ABCC12: variants seen among roughly 807,000 people sequenced by gnomAD.
ABCC12 encodes ATP-binding cassette sub-family C member 12.
In ABCC12, 142 loss-of-function variants were observed where a neutral mutation model predicts 151.1. The observed-to-expected ratio is 0.94, with a 90% CI of 0.82 to 1.08. ABCC12 has a LOEUF of 1.08. Among genes scored for constraint, ABCC12 ranks in the 50% least tolerant of loss-of-function variants. The pLI, the probability that ABCC12 is intolerant of heterozygous loss-of-function variation, is 0.00. For missense variants in ABCC12, 1,638 were observed against 1,691.1 expected, an observed-to-expected ratio of 0.97 and a Z score of 0.55; for synonymous variants, 645 against 646.4, an observed-to-expected ratio of 1.00 and a Z score of 0.03.
At chr16:48,129,684 G>A (rs906319362) in intron 10 of ABCC12, among the ~76,000 whole-genome samples, 3 of 152,152 alleles carry the variant, frequency 2.0e-5, no homozygotes, top group Admixed American at 6.5e-5. Context: ...ATACGGACTT[G>A]AGAAGAATGT....
chr16:48,096,861 A>G lies in ABCC12; in HGVS notation c.3080T>C (p.Leu1027Pro). 6.2e-7 allele frequency: 1 copy of G among 1,613,112 alleles called. No individual in the cohort carries two copies. The highest frequency in any genetic ancestry group is 8.5e-7 in the Non-Finnish European group (1 of 1,179,930). Residue 1027 changes from leucine (L) to proline (P), a missense_variant, in exon 24 of 31, where the codon CTG becomes CCG. Physicochemically the swap from Leu to Pro is moderately conservative, Grantham distance 98. Transcript: ENST00000311303. ...GATGTTCATGAGGACATCCATTCTC[A>G]GCGCAAACCACCTGAGAGCACAGTT... ...YFNCALRWFA[L>P]RMDVLMNILT...
At chr16:48,149,949 G>A (rs1026283968) in intron 2 of ABCC12, among the ~76,000 whole-genome samples, 1 of 152,232 alleles carries the variant, frequency 6.6e-6, no homozygotes, top group East Asian at 1.9e-4. Context: ...CTTGGCATAT[G>A]TATGGAGCAC....
chr16:48,086,003 A>G (rs56093600), intron 28 of ABCC12, among the ~76,000 whole-genome samples: 9,408 of 152,206 alleles, frequency 0.062, 1,013 homozygotes, highest in African/African-American at 0.22. Context: ...AAGTGGAAAC[A>G]GCTTTCTGGA....
intron 5 of ABCC12, 84 bp downstream of exon 5, chr16:48,141,122 A>C: frequency 1.3e-6 from 2 of 1,555,482 alleles, no homozygotes; most frequent in South Asian, 2.4e-5. Context: ...CACTAAACCC[A>C]CCAGCTCGTA....
rs199628644 is a variant in ABCC12, at chr16:48,117,295, T to C, written c.1751A>G (p.Asp584Gly). The C allele has an allele frequency of 6.2e-7, 1 of 1,613,930 alleles. No individual in the cohort carries two copies. The highest frequency in any genetic ancestry group is 1.3e-5 in the African/African-American group (1 of 75,050). ...GTCTCCATAGGGGAGGTTGCTCAGGTCCTTCTGGAGGCCACAGACGCGGAC... is the reference window on the plus strand; with the variant it reads ...GTCTCCATAGGGGAGGTTGCTCAGGCCCTTCTGGAGGCCACAGACGCGGAC... ...HTVRVCGLQK[D>G]LSNLPYGDLT... Residue 584 changes from aspartate (D) to glycine (G), a missense_variant, in exon 14 of 31, where the codon GAC becomes GGC. Transcript: ENST00000311303.
chr16:48,094,287 T>G (rs181769387), intron 24 of ABCC12, among the ~76,000 whole-genome samples: 1 of 152,336 alleles, frequency 6.6e-6, no homozygotes, highest in East Asian at 1.9e-4. Context: ...TTTGTTTCCT[T>G]TCTTCCCAAA....
At chr16:48,086,478 T>C in intron 28 of ABCC12, 1 of 356,042 alleles carries the variant, frequency 2.8e-6, no homozygotes, top group Non-Finnish European at 5.2e-6. Flanking sequence ...AAATTAGGGG[T>C]AAGAGTACCA....
intron 14 of ABCC12, among the ~76,000 whole-genome samples, chr16:48,116,247 G>T (rs1320508832): frequency 1.3e-5 from 2 of 152,194 alleles, no homozygotes; most frequent in Non-Finnish European, 2.9e-5. Context: ...AACCCCAGGT[G>T]TTCAGCCAGA....
At position 48,115,522 on chromosome 16, in the gene ABCC12, C is replaced by T. The variant is rs781700815; in HGVS notation, c.1882G>A (p.Asp628Asn). Residue 628 changes from aspartate to asparagine, a missense_variant, in exon 15 of 31, where the codon GAC (aspartate) becomes AAC (asparagine). Coordinates refer to ENST00000311303, the MANE Select transcript of ABCC12 (RefSeq NM_001393797.1). ...TGGGCGTCCACGGCCGACAGGGGGT[C>T]GTCCAGCAGGTAGAGCTGACGGTCG... ...YSDRQLYLLDDPLSAVDAHVG... is the reference protein window; with the variant it reads ...YSDRQLYLLDNPLSAVDAHVG... The T allele has an allele frequency of 3.7e-6, 6 of 1,614,212 alleles. No homozygotes were observed. Among genetic ancestry groups the T allele is most frequent in the Non-Finnish European group, 3.4e-6 (4 of 1,180,030 alleles).
At chr16:48,155,422 C>G (rs1262322092) in intron 1 of ABCC12, among the ~76,000 whole-genome samples, 2 of 150,084 alleles carry the variant, frequency 1.3e-5, no homozygotes, top group Non-Finnish European at 3.0e-5. Flanking sequence ...CATATGAGAA[C>G]TGCAGTAAAG....
At chr16:48,122,256 G>A (rs1370820017) in intron 12 of ABCC12, among the ~76,000 whole-genome samples, 6 of 152,224 alleles carry the variant, frequency 3.9e-5, no homozygotes, top group South Asian at 2.1e-4. Context: ...CCACCTGCAC[G>A]GCTGTGGGTG....
chr16:48,143,323 C>G (rs893725088), intron 4 of ABCC12, among the ~76,000 whole-genome samples: 4 of 152,162 alleles, frequency 2.6e-5, no homozygotes, highest in African/African-American at 9.7e-5. Flanking sequence ...TGAGTCCTCT[C>G]TCCCCGCTAA....
chr16:48,141,247 C>A lies in ABCC12; in HGVS notation c.382G>T (p.Val128Leu). 5.0e-6 allele frequency: 8 copies of A among 1,614,198 alleles called. No homozygotes were observed. Among genetic ancestry groups the A allele is most frequent in the Non-Finnish European group, 6.8e-6 (8 of 1,180,036 alleles). ...FQRTRVLMDI[V>L]ANILCIIMAA... ...ATGATGATGCACAGGATGTTGGCCA[C>A]GATGTCCATCAACACGCGTGTCCTC... is the stretch of plus-strand genomic sequence containing the variant. Residue 128 changes from valine to leucine, a missense_variant, in exon 5 of 31, where the codon GTG (valine) becomes TTG (leucine). Transcript: ENST00000311303.
At chr16:48,126,090 A>C (rs1024647404) in intron 11 of ABCC12, among the ~76,000 whole-genome samples, 1 of 152,170 alleles carries the variant, frequency 6.6e-6, no homozygotes, top group Admixed American at 6.5e-5. Flanking sequence ...TGGCCACACA[A>C]TGACTTTGCT....
chr16:48,108,832 C>T (rs1963589038), intron 18 of ABCC12, among the ~76,000 whole-genome samples: 1 of 152,154 alleles, frequency 6.6e-6, no homozygotes, highest in Admixed American at 6.5e-5. Context: ...AAGCAGCACC[C>T]AAGAAGAGAC....
At chr16:48,108,020 G>A (rs1199955578) in intron 19 of ABCC12, among the ~76,000 whole-genome samples, 1 of 151,832 alleles carries the variant, frequency 6.6e-6, no homozygotes, top group South Asian at 2.1e-4. Flanking sequence ...AAAAAAAAAG[G>A]AAAGAAAGAA....
intron 23 of ABCC12, among the ~76,000 whole-genome samples, chr16:48,099,372 G>A (rs1963223209): frequency 1.3e-5 from 2 of 152,122 alleles, no homozygotes; most frequent in African/African-American, 4.8e-5. Context: ...ACTCCAGCCT[G>A]GGTGACAGAG....
At chr16:48,090,401 C>CTT (rs1011013161) in intron 25 of ABCC12, among the ~76,000 whole-genome samples, 95 of 118,926 alleles carry the variant, frequency 8.0e-4, no homozygotes, top group African/African-American at 2.0e-3. Context: ...CAAATTTGAA[C>CTT]TTTTTTTTTT....
rs758914125 is a variant in ABCC12, at chr16:48,128,688, T to G, written c.1286A>C (p.Asp429Ala). 1.1e-5 allele frequency: 18 copies of G among 1,614,146 alleles called. No homozygotes were observed. Among genetic ancestry groups the G allele is most frequent in the Non-Finnish European group, 1.4e-5 (17 of 1,180,016 alleles). ...TGCTAAAAGCAAGACAGTATCTGGGTCTTCTGGTTGGGTGATGTAAGATGG... is the reference window on the plus strand; with the variant it reads ...TGCTAAAAGCAAGACAGTATCTGGGGCTTCTGGTTGGGTGATGTAAGATGG... ...SPPSYITQPE[D>A]PDTVLLLANA... Residue 429 changes from aspartate (D) to alanine (A), a missense_variant, in exon 11 of 31, where the codon GAC becomes GCC. Asp to Ala is a moderately radical substitution (Grantham distance 126). Coordinates refer to ENST00000311303, the MANE Select transcript of ABCC12 (RefSeq NM_001393797.1).
Sources: gnomAD v4.1 joint callset for allele counts (sites outside exome capture counted in the v4.1 genomes callset) on GRCh38, gnomAD v4.1.1 for gene constraint, MANE v1.5 for transcripts, NCBI Gene and HGNC (gene_info 2026-07-23, HGNC 2026-07-21) for gene names.